The following KIAA1549L variants were observed in gnomAD, a reference collection of about 807,000 sequenced individuals.
The protein encoded by KIAA1549L is KIAA1549 like.
A neutral mutation model predicts 160.7 loss-of-function variants in KIAA1549L; 88 were observed. The observed-to-expected ratio is 0.55, with a 90% CI of 0.46 to 0.65. The LOEUF (loss-of-function observed/expected upper bound fraction) is 0.65, where lower values mean the gene tolerates loss of function less well. KIAA1549L is among the 30% of genes least tolerant of loss of function. The probability of loss-of-function intolerance (pLI) is 0.00; values close to 1 mark genes in which losing one functional copy is unlikely to be tolerated. For synonymous variants in KIAA1549L, 950 were observed against 976.7 expected, an observed-to-expected ratio of 0.97 and a Z score of 0.51; for missense variants, 2,258 against 2,437.5, an observed-to-expected ratio of 0.93 and a Z score of 1.55.
chr11:33,611,994 C>T (rs1279701888), intron 15 of KIAA1549L, among the ~76,000 whole-genome samples: 1 of 152,182 alleles, frequency 6.6e-6, no homozygotes, highest in African/African-American at 2.4e-5. Flanking sequence ...GCTAATGCCA[C>T]GTGTATTGTA....
intron 1 of KIAA1549L, among the ~76,000 whole-genome samples, chr11:33,393,314 G>A (rs1850307675): frequency 6.6e-6 from 1 of 152,198 alleles, no homozygotes; most frequent in African/African-American, 2.4e-5. Context: ...TCCCTGGCAT[G>A]CACTCTGCCC....
intron 1 of KIAA1549L, among the ~76,000 whole-genome samples, chr11:33,514,022 A>C (rs562846359): frequency 6.6e-6 from 1 of 152,246 alleles, no homozygotes; most frequent in Non-Finnish European, 1.5e-5. Flanking sequence ...TGACAAAGGA[A>C]GATGATGCTA....
At chr11:33,422,981 A>G (rs35761671) in intron 1 of KIAA1549L, among the ~76,000 whole-genome samples, 1 of 151,994 alleles carries the variant, frequency 6.6e-6, no homozygotes, top group African/African-American at 2.4e-5. Flanking sequence ...CCTGGCCTAT[A>G]TTAAGTACAC....
chr11:33,547,331 C>A (rs892625567), intron 3 of KIAA1549L, among the ~76,000 whole-genome samples: 1 of 152,274 alleles, frequency 6.6e-6, no homozygotes, highest in African/African-American at 2.4e-5. Context: ...AATACCTGTT[C>A]TCTGTCCTTT....
At chr11:33,522,856 G>A (rs979893669) in intron 1 of KIAA1549L, among the ~76,000 whole-genome samples, 20 of 151,242 alleles carry the variant, frequency 1.3e-4, no homozygotes, top group African/African-American at 4.4e-4. Context: ...CTATGATTGC[G>A]CCACTAAATT....
chr11:33,502,073 C>G (rs139462873), intron 1 of KIAA1549L, among the ~76,000 whole-genome samples: 6 of 151,668 alleles, frequency 4.0e-5, no homozygotes, highest in African/African-American at 1.5e-4. Context: ...AGGGGACTTT[C>G]GAGGGAGTTC....
intron 1 of KIAA1549L, among the ~76,000 whole-genome samples, chr11:33,519,904 A>G (rs1183690861): frequency 6.7e-6 from 1 of 150,020 alleles, no homozygotes; most frequent in Non-Finnish European, 1.5e-5. Context: ...ATCCTTCTCT[A>G]TGATACTTAC....
In KIAA1549L at chr11:33,609,768, A is replaced by G; in HGVS notation, c.5081A>G (p.Gln1694Arg). The G allele has an allele frequency of 6.2e-7, 1 of 1,609,758 alleles. No individual in the cohort carries two copies. The highest frequency in any genetic ancestry group is 8.5e-7 in the Non-Finnish European group (1 of 1,178,062). ...CCCCAGGTGAACAAAGCCCTGAAGC[A>G]GAAGTCAGACATCGAGCACTATCGG... ...LNGEVNKALK[Q>R]KSDIEHYRNK... The change falls in exon 15 of 21, where the codon CAG (glutamine) becomes CGG (arginine). Residue 1694 changes from glutamine (Q) to arginine (R), a missense_variant. By Grantham distance (43) the Gln-to-Arg change is conservative. Transcript: ENST00000658780.
rs565392527 is a variant in KIAA1549L, at chr11:33,535,315, C to A, written c.239-6487C>A. On this transcript the variant is annotated intron_variant, in intron 1 of 20. Transcript: ENST00000658780. ...CAAGAAGAAGTCTGCTTGCAATATG[C>A]GGTATTATATATGATCATATAATCA... Among the ~76,000 whole-genome samples, 10 of 152,162 alleles carry A rather than the reference C, an allele frequency of 6.6e-5. No homozygotes were observed. The South Asian group carries it at 2.1e-3, about 32-fold the overall frequency.
At chr11:33,549,432 A>T (rs759337250) in intron 4 of KIAA1549L, among the ~76,000 whole-genome samples, 1 of 152,198 alleles carries the variant, frequency 6.6e-6, no homozygotes, top group Non-Finnish European at 1.5e-5. Flanking sequence ...CTAAACTGAG[A>T]CTTATTCCTT....
At chr11:33,549,603 C>T (rs1854386877) in intron 4 of KIAA1549L, among the ~76,000 whole-genome samples, 1 of 152,152 alleles carries the variant, frequency 6.6e-6, no homozygotes, top group Admixed American at 6.5e-5. Flanking sequence ...CGGGAGCACA[C>T]AATGTGGAGG....
intron 6 of KIAA1549L, among the ~76,000 whole-genome samples, chr11:33,558,426 C>T (rs1391144991): frequency 1.3e-5 from 2 of 152,106 alleles, no homozygotes; most frequent in African/African-American, 4.8e-5. Context: ...TTGACCTCAC[C>T]CTCCTCCCTC....
intron 4 of KIAA1549L, 45 bp downstream of exon 4, chr11:33,547,924 C>A: frequency 8.2e-7 from 1 of 1,226,458 alleles, no homozygotes; most frequent in Non-Finnish European, 1.2e-6. Context: ...CACAGTCTGG[C>A]TCTTGGGTCT....
chr11:33,599,727 GACTCTCATCTCC>G (rs1408412234), intron 13 of KIAA1549L, among the ~76,000 whole-genome samples: 2 of 152,180 alleles, frequency 1.3e-5, no homozygotes, highest in East Asian at 3.9e-4. Flanking sequence ...CCTTGGTTCT[GACTCTCATCTCC>G]ATGTGGCCCT....
At chr11:33,485,988 G>A (rs1211456521) in intron 1 of KIAA1549L, among the ~76,000 whole-genome samples, 1 of 152,156 alleles carries the variant, frequency 6.6e-6, no homozygotes. Context: ...ATTCCATCAT[G>A]TATATATTCC....
At chr11:33,533,633 G>T (rs1420167953) in intron 1 of KIAA1549L, among the ~76,000 whole-genome samples, 1 of 152,220 alleles carries the variant, frequency 6.6e-6, no homozygotes, top group East Asian at 1.9e-4. Flanking sequence ...CTTTCCTGAA[G>T]CTCTGAGAAT....
rs531228871 is a variant in KIAA1549L, at chr11:33,553,668, T to C, written c.3855+1427T>C. Among the ~76,000 whole-genome samples, 102 of 152,350 alleles carry C rather than the reference T, an allele frequency of 6.7e-4. 1 individual carries two copies. The highest frequency in any genetic ancestry group is 1.1e-3 in the Non-Finnish European group (75 of 68,034). On this transcript the variant is annotated intron_variant, in intron 6 of 20. Transcript: ENST00000658780. ...TGTAAGGAGTGTGACTCAGCTCTCT[T>C]GTGGGAACTCTTTTTCTTTCTGATT...
rs1027654791 is a variant in KIAA1549L, at chr11:33,542,164, A to T, written c.601A>T (p.Met201Leu). The change falls in exon 2 of 21, where the codon ATG becomes TTG. Residue 201 changes from methionine (M) to leucine (L), a missense_variant. By Grantham distance (15) the Met-to-Leu change is conservative. Coordinates refer to ENST00000658780, the MANE Select transcript of KIAA1549L (RefSeq NM_012194.3). ...ADVSGLPLTS[M>L]LPSLSTVPSG... Reference sequence around the variant, plus strand: ...TGTGTCAGGTTTGCCTCTCACCAGCATGCTCCCCTCGTTGTCCACAGTCCC... The same window carrying T: ...TGTGTCAGGTTTGCCTCTCACCAGCTTGCTCCCCTCGTTGTCCACAGTCCC... The T allele has an allele frequency of 1.7e-6, 1 of 601,762 alleles. No individual in the cohort carries two copies. Among genetic ancestry groups the T allele is most frequent in the East Asian group, 3.6e-5 (1 of 27,690 alleles). The allele number at this position is 601,762 out of a possible 1,614,324, so 37.3% of individuals were successfully genotyped here. A position where few individuals can be genotyped will look rare whatever the true frequency, so the allele number is the denominator to read the frequency against.
At position 33,614,570 on chromosome 11, in the gene KIAA1549L, ATATATATATATATATTTTT is replaced by A. The variant is rs1850750919; in HGVS notation, c.5280-3961_5280-3943del. Among the ~76,000 whole-genome samples, 3 of 15,040 alleles carry A rather than the reference ATATATATATATATATTTTT, an allele frequency of 2.0e-4. No individual in the cohort carries two copies. In the African/African-American group the frequency reaches 2.3e-3, roughly 12 times the overall value. The allele number at this position is 15,040 out of a possible 152,430, so 9.9% of individuals were successfully genotyped here. On this transcript the variant is annotated intron_variant, in intron 15 of 20. Coordinates refer to ENST00000658780, the MANE Select transcript of KIAA1549L (RefSeq NM_012194.3). ...TATATATATATATATATATATATATATATATATATATATATTTTTTTTTTTTTTTTTTTTTTTTTTTTTT... is the reference window on the plus strand; with the variant it reads ...TATATATATATATATATATATATATATTTTTTTTTTTTTTTTTTTTTTTTT...
Sources: gnomAD v4.1 joint callset for allele counts (sites outside exome capture counted in the v4.1 genomes callset) on GRCh38, gnomAD v4.1.1 for gene constraint, MANE v1.5 for transcripts, NCBI Gene and HGNC (gene_info 2026-07-23, HGNC 2026-07-21) for gene names.